Variants in NPLOC4 observed in about 807,000 individuals in gnomAD.
NPLOC4 encodes NPL4 homolog, ubiquitin recognition factor, also known as nuclear protein localization protein 4 homolog.
A neutral mutation model predicts 80.6 loss-of-function variants in NPLOC4; 18 were observed. That is an observed-to-expected ratio of 0.22 (90% confidence interval 0.15 to 0.33). The LOEUF (loss-of-function observed/expected upper bound fraction) is 0.33. Ranked by LOEUF, NPLOC4 falls within the 10% of genes least tolerant of loss-of-function variation. The pLI, the probability that NPLOC4 is intolerant of heterozygous loss-of-function variation, is 1.00. For synonymous variants in NPLOC4, 313 were observed against 301.5 expected (o/e 1.04, Z -0.39); for missense variants, 540 against 786.1 (o/e 0.69, Z 3.74).
At chr17:81,569,868 G>A (rs1366326844) in intron 13 of NPLOC4, among the ~76,000 whole-genome samples, 1 of 152,170 alleles carries the variant, frequency 6.6e-6, no homozygotes, top group Non-Finnish European at 1.5e-5. Flanking sequence ...AGAATCAATA[G>A]AAATACCACT....
chr17:81,589,191 GA>G, intron 11 of NPLOC4, 87 bp from the exon 12 acceptor site: 1 of 1,194,554 alleles, frequency 8.4e-7, no homozygotes, highest in South Asian at 1.6e-5. Context: ...CTGATCAACA[GA>G]AAAAACAAAC....
At chr17:81,590,680 C>A (rs2034714640) in intron 11 of NPLOC4, among the ~76,000 whole-genome samples, 1 of 150,066 alleles carries the variant, frequency 6.7e-6, no homozygotes, top group African/African-American at 2.5e-5. Flanking sequence ...TGAAAAAAAA[C>A]CCTCAATACC....
intron 1 of NPLOC4, among the ~76,000 whole-genome samples, chr17:81,631,458 TTTTTC>T (rs1210014883): frequency 7.1e-4 from 43 of 60,378 alleles, no homozygotes; most frequent in African/African-American, 1.5e-3. Context: ...TTTTTTTTTT[TTTTTC>T]CCCCACGGCA....
At chr17:81,606,544 C>T in intron 7 of NPLOC4, 147 bp downstream of exon 7, 1 of 833,710 alleles carries the variant, frequency 1.2e-6, no homozygotes, top group Non-Finnish European at 1.8e-6. Flanking sequence ...CAGTGTACCA[C>T]TTCCACAAAA....
chr17:81,623,193 C>T (rs565279256), intron 2 of NPLOC4, among the ~76,000 whole-genome samples: 14 of 151,708 alleles, frequency 9.2e-5, no homozygotes, highest in Middle Eastern at 3.4e-3. Context: ...AAACTCTGGC[C>T]GGGTGTGGAG....
chr17:81,627,494 C>T (rs1013563435), intron 2 of NPLOC4, among the ~76,000 whole-genome samples: 6 of 152,180 alleles, frequency 3.9e-5, no homozygotes, highest in Non-Finnish European at 2.9e-5. Flanking sequence ...AACCCCAGCA[C>T]TTTGGGAGGC....
chr17:81,633,216 C>T (rs372009025), intron 1 of NPLOC4, among the ~76,000 whole-genome samples: 13 of 151,438 alleles, frequency 8.6e-5, no homozygotes, highest in African/African-American at 2.9e-4. Context: ...CCCAGAAAAA[C>T]GTTTTCACAA....
chr17:81,610,053 T>C (rs191753906), intron 5 of NPLOC4, among the ~76,000 whole-genome samples, 157 bp downstream of exon 5: 79 of 152,296 alleles, frequency 5.2e-4, no homozygotes, highest in Non-Finnish European at 9.4e-4. Flanking sequence ...TGTGTGCAGC[T>C]TGCACTAGGG....
At chr17:81,601,092 C>T (rs1355663630) in intron 8 of NPLOC4, among the ~76,000 whole-genome samples, 4 of 152,218 alleles carry the variant, frequency 2.6e-5, no homozygotes, top group Admixed American at 6.5e-5. Context: ...CACAGCACAT[C>T]ACTTCCCAGA....
intron 1 of NPLOC4, 147 bp from the exon 2 acceptor site, chr17:81,629,952 CCTT>C: frequency 1.6e-6 from 1 of 625,720 alleles, no homozygotes; most frequent in South Asian, 1.9e-5. Context: ...CCAGCTCAAT[CCTT>C]CTAGAATATG....
At chr17:81,623,903 T>C (rs1021297518) in intron 2 of NPLOC4, among the ~76,000 whole-genome samples, 8 of 152,136 alleles carry the variant, frequency 5.3e-5, no homozygotes, top group African/African-American at 1.9e-4. Context: ...ATGCTGGGAA[T>C]ATTCACTCAT....
intron 10 of NPLOC4, 79 bp downstream of exon 10, chr17:81,597,166 A>G (rs939744459): frequency 6.0e-6 from 6 of 996,048 alleles, no homozygotes; most frequent in East Asian, 4.8e-5. Context: ...CAGCGGTGCA[A>G]AGAGACCCTG....
At chr17:81,591,112 G>C (rs1312343084) in intron 11 of NPLOC4, among the ~76,000 whole-genome samples, 1 of 152,114 alleles carries the variant, frequency 6.6e-6, no homozygotes, top group Non-Finnish European at 1.5e-5. Context: ...GGGGAGCCAC[G>C]GTGCAGACAT....
chr17:81,603,036 G>C (rs1261258631), intron 8 of NPLOC4, among the ~76,000 whole-genome samples: 1 of 150,696 alleles, frequency 6.6e-6, no homozygotes, highest in Non-Finnish European at 1.5e-5. Context: ...AGACATGGTG[G>C]TGCACGCCTG....
chr17:81,581,079 G>A (rs1050488745), intron 12 of NPLOC4, among the ~76,000 whole-genome samples: 1 of 152,144 alleles, frequency 6.6e-6, no homozygotes, highest in Non-Finnish European at 1.5e-5. Flanking sequence ...GGCTGGAAGC[G>A]GTGGCTCACA....
intron 12 of NPLOC4, among the ~76,000 whole-genome samples, chr17:81,574,446 T>A (rs938935172): frequency 1.3e-5 from 2 of 152,158 alleles, no homozygotes; most frequent in African/African-American, 4.8e-5. Context: ...CGCCAGCCAA[T>A]CCCTAGGCCT....
intron 12 of NPLOC4, among the ~76,000 whole-genome samples, chr17:81,587,371 A>G: frequency 6.6e-6 from 1 of 151,978 alleles, no homozygotes; most frequent in East Asian, 1.9e-4. Flanking sequence ...GCTGGAGTGC[A>G]GTGGCACAAT....
intron 11 of NPLOC4, among the ~76,000 whole-genome samples, chr17:81,595,530 A>ATTTTTTTTT (rs200287444): frequency 7.1e-5 from 8 of 113,110 alleles, no homozygotes; most frequent in Non-Finnish European, 1.2e-4. Context: ...ACATATATAT[A>ATTTTTTTTT]TATATTTTTT....
chr17:81,579,871 CACCCCCCATTCTCCTCTGT>C (rs1249790624), intron 12 of NPLOC4, among the ~76,000 whole-genome samples: 1 of 128,122 alleles, frequency 7.8e-6, no homozygotes, highest in Non-Finnish European at 1.8e-5. Context: ...GATGTGAGCT[CACCCCCCATTCTCCTCTGT>C]GAGCTCACCC....
Sources: allele counts gnomAD v4.1 joint callset (sites outside exome capture counted in the v4.1 genomes callset), GRCh38; gene constraint gnomAD v4.1.1; transcripts MANE v1.5; gene names NCBI Gene and HGNC (gene_info 2026-07-23, HGNC 2026-07-21).